KIAA1328: variants seen among roughly 807,000 people sequenced by gnomAD.
KIAA1328 encodes KIAA1328.
In KIAA1328, 52 loss-of-function variants were observed where a neutral mutation model predicts 68.1. The ratio of observed to expected loss-of-function variants is 0.76; its 90% CI spans 0.61 to 0.96. The LOEUF (loss-of-function observed/expected upper bound fraction) is 0.96, where lower values mean the gene tolerates loss of function less well. KIAA1328 is among the 40% of genes least tolerant of loss of function. The pLI is 0.00. For missense variants in KIAA1328, 641 were observed against 677.6 expected, an observed-to-expected ratio of 0.95 and a Z score of 0.60; for synonymous variants, 232 against 239.4, an observed-to-expected ratio of 0.97 and a Z score of 0.28.
At chr18:37,075,669 CAG>C (rs1170024895) in intron 7 of KIAA1328, 5 of 152,108 alleles carry the variant, frequency 3.3e-5, no homozygotes, top group Admixed American at 6.6e-5. Context: ...CAAAAAAAGG[CAG>C]AGGTTGCAAT....
intron 6 of KIAA1328, among the ~76,000 whole-genome samples, chr18:37,030,413 A>G (rs2054776252): frequency 6.6e-6 from 1 of 152,096 alleles, no homozygotes; most frequent in Non-Finnish European, 1.5e-5. Context: ...CTCTTTGAAC[A>G]GTTTATAGTC....
chr18:36,913,782 A>C (rs941091886), intron 5 of KIAA1328, among the ~76,000 whole-genome samples: 2 of 152,054 alleles, frequency 1.3e-5, no homozygotes, highest in Non-Finnish European at 2.9e-5. Flanking sequence ...AATAAATATA[A>C]TTTTCTTTTA....
At chr18:37,127,498 C>T (rs898429227) in intron 7 of KIAA1328, among the ~76,000 whole-genome samples, 18 of 152,222 alleles carry the variant, frequency 1.2e-4, no homozygotes, top group African/African-American at 4.3e-4. Context: ...CCCTTGAGCC[C>T]AGGAGTTCAA....
rs566112312 is a variant in KIAA1328 at position 37,122,794 on chromosome 18, G to T, written c.1233-37406G>T. Among the ~76,000 whole-genome samples the T allele has an allele frequency of 3.5e-4, 53 of 152,242 alleles. No individual in the cohort carries two copies. In the South Asian group the frequency reaches 8.3e-3, roughly 24 times the overall value. On this transcript the variant is annotated intron_variant, in intron 7 of 9. Transcript: ENST00000280020. ...TATAGGGCTGATGGATAGTGAGGTT[G>T]AAGGTTTGAAACAACTTCTGTGAAG...
intron 5 of KIAA1328, among the ~76,000 whole-genome samples, chr18:36,938,335 C>T (rs1017445661): frequency 2.6e-5 from 4 of 152,064 alleles, no homozygotes; most frequent in Admixed American, 1.3e-4. Flanking sequence ...TTTTAATTTG[C>T]ATTTCCCTGA....
At chr18:37,015,962 T>A (rs2054137939) in intron 6 of KIAA1328, among the ~76,000 whole-genome samples, 2 of 152,066 alleles carry the variant, frequency 1.3e-5, no homozygotes, top group South Asian at 4.1e-4. Context: ...AGAGTTTGAC[T>A]TCTTTTCCTA....
intron 7 of KIAA1328, among the ~76,000 whole-genome samples, chr18:37,125,591 G>A (rs2058370325): frequency 6.6e-6 from 1 of 152,006 alleles, no homozygotes; most frequent in Non-Finnish European, 1.5e-5. Context: ...CAATAAAATT[G>A]GCAAACCTAT....
intron 7 of KIAA1328, among the ~76,000 whole-genome samples, chr18:37,151,154 G>A (rs190784017): frequency 6.4e-4 from 98 of 152,102 alleles, no homozygotes; most frequent in Admixed American, 1.4e-3. Flanking sequence ...ACAGTAATTA[G>A]CATAGAAAAT....
intron 6 of KIAA1328, among the ~76,000 whole-genome samples, chr18:36,961,397 A>G (rs2051665406): frequency 6.6e-6 from 1 of 152,200 alleles, no homozygotes; most frequent in South Asian, 2.1e-4. Flanking sequence ...ACTCTTCAGG[A>G]TATTATCCAG....
chr18:36,977,521 T>C (rs1261683649), intron 6 of KIAA1328, among the ~76,000 whole-genome samples: 1 of 152,172 alleles, frequency 6.6e-6, no homozygotes. Flanking sequence ...TACTCTTACA[T>C]GTCTACTCTT....
intron 5 of KIAA1328, among the ~76,000 whole-genome samples, chr18:36,888,750 G>A (rs1252797044): frequency 1.3e-5 from 2 of 151,982 alleles, no homozygotes; most frequent in Admixed American, 1.3e-4. Context: ...AGTACATAAA[G>A]CTCTATAAAA....
In KIAA1328 at chr18:37,220,297, T is replaced by G. The variant is rs2060532888; in HGVS notation, c.1524-1720T>G. ...TAAGAAACCAAAAATCACTTAATGA[T>G]TTGTCTATAATTCACAGTGCTTGTT... is the stretch of plus-strand genomic sequence containing the variant. On this transcript the variant is annotated intron_variant, in intron 9 of 9. Transcript: ENST00000280020. Among the ~76,000 whole-genome samples, 4 of 152,326 alleles carry G rather than the reference T, an allele frequency of 2.6e-5. No individual in the cohort carries two copies. In the South Asian group the frequency reaches 8.3e-4, roughly 32 times the overall value.
At chr18:36,843,871 C>A (rs1311527103) in intron 3 of KIAA1328, among the ~76,000 whole-genome samples, 1 of 152,138 alleles carries the variant, frequency 6.6e-6, no homozygotes, top group Non-Finnish European at 1.5e-5. Context: ...AGCGTGGGGA[C>A]TATGGTGTAA....
intron 5 of KIAA1328, among the ~76,000 whole-genome samples, chr18:36,923,594 A>G (rs916323649): frequency 5.9e-5 from 9 of 152,188 alleles, no homozygotes; most frequent in Admixed American, 5.9e-4. Flanking sequence ...AAGAAATTGT[A>G]TTTGTAGTTA....
At chr18:37,067,668 C>G in intron 7 of KIAA1328, 123 bp downstream of exon 7, 1 of 1,033,626 alleles carries the variant, frequency 9.7e-7, no homozygotes. Context: ...TCAAGCAGTT[C>G]TCTGCCTCAG....
intron 6 of KIAA1328, among the ~76,000 whole-genome samples, chr18:37,048,676 G>T: frequency 6.6e-6 from 1 of 152,048 alleles, no homozygotes; most frequent in East Asian, 1.9e-4. Context: ...AAACTAAAAA[G>T]CCATAAAGAT....
At chr18:37,013,313 CAT>C (rs1015834238) in intron 6 of KIAA1328, among the ~76,000 whole-genome samples, 11 of 152,232 alleles carry the variant, frequency 7.2e-5, no homozygotes, top group African/African-American at 2.4e-4. Flanking sequence ...TAGACTTCCT[CAT>C]ATATAAAATG....
chr18:36,867,967 A>T (rs975642539), intron 4 of KIAA1328, among the ~76,000 whole-genome samples: 4 of 152,218 alleles, frequency 2.6e-5, no homozygotes, highest in Admixed American at 1.3e-4. Context: ...CTTTAATGTG[A>T]TTCAGCCATT....
At chr18:36,965,670 C>CAA (rs35953609) in intron 6 of KIAA1328, among the ~76,000 whole-genome samples, 1 of 141,768 alleles carries the variant, frequency 7.1e-6, no homozygotes, top group Admixed American at 7.0e-5. Context: ...TGTGCCTGGC[C>CAA]AAAAAAAAAA....
Sources: gnomAD v4.1 joint callset for allele counts (sites outside exome capture counted in the v4.1 genomes callset) on GRCh38, gnomAD v4.1.1 for gene constraint, MANE v1.5 for transcripts, NCBI Gene and HGNC (gene_info 2026-07-23, HGNC 2026-07-21) for gene names.